NEDD4: variants seen among roughly 807,000 people sequenced by gnomAD.
NEDD4 encodes the protein E3 ubiquitin-protein ligase NEDD4.
A neutral mutation model predicts 144.9 loss-of-function variants in NEDD4; 99 were observed. The observed-to-expected ratio is 0.68, with a 90% CI of 0.58 to 0.81. The LOEUF is 0.81. Among genes scored for constraint, NEDD4 ranks in the 30% least tolerant of loss-of-function variants. The pLI is 0.00. For missense variants in NEDD4, 985 were observed against 1,065.9 expected, an observed-to-expected ratio of 0.92 and a Z score of 1.06; for synonymous variants, 318 against 350.6, an observed-to-expected ratio of 0.91 and a Z score of 1.04.
intron 1 of NEDD4, among the ~76,000 whole-genome samples, chr15:55,993,199 G>A (rs2038015760): frequency 6.6e-6 from 1 of 152,206 alleles, no homozygotes; most frequent in Non-Finnish European, 1.5e-5. Context: ...GCGCGGTGAT[G>A]TGGGTCCCCC....
chr15:55,987,930 G>C (rs2140455155), intron 1 of NEDD4: 1 of 129,374 alleles, frequency 7.7e-6, no homozygotes, highest in East Asian at 2.5e-4. Context: ...TTGTTCTTTT[G>C]GCTTAGGATT....
chr15:55,976,413 G>T (rs1366901693), intron 1 of NEDD4, among the ~76,000 whole-genome samples: 2 of 152,098 alleles, frequency 1.3e-5, no homozygotes, highest in African/African-American at 2.4e-5. Flanking sequence ...ATGGGCAAAA[G>T]ATCTGAATAG....
chr15:55,839,171 G>T (rs952562336), intron 21 of NEDD4, among the ~76,000 whole-genome samples: 6 of 151,972 alleles, frequency 3.9e-5, no homozygotes, highest in Admixed American at 2.0e-4. Context: ...TGGGACTACA[G>T]GCGCGCACCA....
At chr15:55,907,575 T>C (rs1197652845) in intron 5 of NEDD4, among the ~76,000 whole-genome samples, 3 of 152,236 alleles carry the variant, frequency 2.0e-5, no homozygotes, top group Non-Finnish European at 2.9e-5. Context: ...TAAATACTTG[T>C]TAAACTCATT....
chr15:55,914,177 C>T (rs934253008), intron 5 of NEDD4, among the ~76,000 whole-genome samples: 3 of 149,842 alleles, frequency 2.0e-5, no homozygotes, highest in Non-Finnish European at 4.5e-5. Context: ...CTATTTTATT[C>T]ACCTAAAGTT....
intron 2 of NEDD4, among the ~76,000 whole-genome samples, chr15:55,961,290 G>A: frequency 6.6e-6 from 1 of 151,956 alleles, no homozygotes; most frequent in Non-Finnish European, 1.5e-5. Flanking sequence ...ACTCTCATGT[G>A]AGAGACTTCA....
intron 5 of NEDD4, among the ~76,000 whole-genome samples, chr15:55,896,109 T>G (rs117596592): frequency 0.057 from 8,605 of 152,242 alleles, 337 homozygotes; most frequent in Admixed American, 0.11. Context: ...AGCCCCCCAA[T>G]AGCTGCAATG....
intron 2 of NEDD4, 83 bp from the exon 3 acceptor site, chr15:55,951,672 C>G (rs745604129): frequency 9.7e-7 from 1 of 1,033,344 alleles, no homozygotes; most frequent in Non-Finnish European, 1.3e-6. Context: ...ATAAAATTCA[C>G]AGTTTTCCTT....
rs16976592 is a variant in NEDD4, at chr15:55,828,764, T to A, written c.*1133A>T. 5 of 152,706 alleles carry A rather than the reference T, an allele frequency of 3.3e-5. No homozygotes were observed. The highest frequency in any genetic ancestry group is 1.2e-4 in the African/African-American group (5 of 41,554). 9.5% of individuals were successfully genotyped at this position (152,706 alleles called of 1,614,324 possible). ...AATTCTGGATTTGTAATTAAAAACA[T>A]TGTCTTCATAGTAAACAGTATTTTA... On this transcript the variant is annotated 3_prime_UTR_variant, in exon 29 of 29. Coordinates refer to ENST00000435532, the MANE Select transcript of NEDD4 (RefSeq NM_006154.4).
intron 5 of NEDD4, among the ~76,000 whole-genome samples, chr15:55,918,613 C>T: frequency 6.6e-6 from 1 of 151,220 alleles, no homozygotes; most frequent in East Asian, 1.9e-4. Flanking sequence ...TAAGATAGAT[C>T]TGTTTTTGAT....
At chr15:55,964,711 GT>G (rs2037483832) in intron 2 of NEDD4, among the ~76,000 whole-genome samples, 2 of 150,916 alleles carry the variant, frequency 1.3e-5, no homozygotes, top group Admixed American at 6.6e-5. Context: ...GTGTGTGTGT[GT>G]GTGTGTGTGT....
rs779199715 is a variant in NEDD4 at position 55,838,194 on chromosome 15, C to G, written c.2128-14G>C. On this transcript the variant is annotated splice_polypyrimidine_tract_variant and intron_variant, in intron 22 of 28. Coordinates refer to ENST00000435532, the MANE Select transcript of NEDD4 (RefSeq NM_006154.4). ...ATGTTGATGTGTCTAAAATTAAACA[C>G]AATAACTTGATATGTTATTTTAGCG... The G allele has an allele frequency of 3.2e-6, 5 of 1,551,962 alleles. No individual in the cohort carries two copies. In the African/African-American group the frequency reaches 6.8e-5, roughly 21 times the overall value.
intron 5 of NEDD4, among the ~76,000 whole-genome samples, chr15:55,906,248 GA>G (rs754159489): frequency 1.3e-5 from 2 of 152,176 alleles, no homozygotes; most frequent in Non-Finnish European, 2.9e-5. Context: ...TCTAGAACTA[GA>G]AATACCATTT....
chr15:55,991,876 A>T (rs2037994131), intron 1 of NEDD4: 1 of 152,256 alleles, frequency 6.6e-6, no homozygotes, highest in African/African-American at 2.4e-5. Flanking sequence ...GTAGATAATT[A>T]AAAACACTGA....
chr15:55,840,814 GTTTACCAC>G, intron 19 of NEDD4, 87 bp from the exon 20 acceptor site: 1 of 1,310,688 alleles, frequency 7.6e-7, no homozygotes, highest in Non-Finnish European at 1.1e-6. Context: ...TTTAAGAGTT[GTTTACCAC>G]TGTTAGAACC....
At chr15:55,937,240 G>A (rs1234669653) in intron 4 of NEDD4, among the ~76,000 whole-genome samples, 8 of 146,904 alleles carry the variant, frequency 5.4e-5, no homozygotes, top group Non-Finnish European at 1.0e-4. Context: ...CCATTTGGCC[G>A]AATGCCCAAG....
intron 4 of NEDD4, among the ~76,000 whole-genome samples, chr15:55,938,618 C>T (rs1372978756): frequency 2.0e-5 from 3 of 152,032 alleles, no homozygotes; most frequent in Admixed American, 1.3e-4. Context: ...AGTGCAGCTA[C>T]ATTTAACTAA....
At chr15:55,883,015 A>G (rs1010016606) in intron 5 of NEDD4, among the ~76,000 whole-genome samples, 2 of 152,216 alleles carry the variant, frequency 1.3e-5, no homozygotes, top group Non-Finnish European at 2.9e-5. Context: ...TAGAAGGAAG[A>G]GTAAAGAGGA....
intron 9 of NEDD4, among the ~76,000 whole-genome samples, chr15:55,861,959 A>G (rs1403102112): frequency 6.6e-6 from 1 of 152,106 alleles, no homozygotes; most frequent in African/African-American, 2.4e-5. Context: ...GCTACCTGAA[A>G]ATGACATCAG....
Sources: gnomAD v4.1 joint callset for allele counts (sites outside exome capture counted in the v4.1 genomes callset) on GRCh38, gnomAD v4.1.1 for gene constraint, MANE v1.5 for transcripts, NCBI Gene and HGNC (gene_info 2026-07-23, HGNC 2026-07-21) for gene names.